Variants in LIMS1 observed in about 807,000 individuals in gnomAD.
LIMS1 encodes LIM and senescent cell antigen-like-containing domain protein 1.
LIMS1 carries 18 observed loss-of-function variants against 44.1 expected under a neutral mutation model. That is an observed-to-expected ratio of 0.41 (90% confidence interval 0.28 to 0.61). The LOEUF (loss-of-function observed/expected upper bound fraction) is 0.61. Ranked by LOEUF, LIMS1 falls within the 20% of genes least tolerant of loss-of-function variation. The pLI is 0.32. For synonymous variants in LIMS1, 93 were observed against 149.1 expected, an observed-to-expected ratio of 0.62 and a Z score of 2.74; for missense variants, 201 against 422.0, an observed-to-expected ratio of 0.48 and a Z score of 4.59.
intron 1 of LIMS1, among the ~76,000 whole-genome samples, chr2:108,587,477 CA>C (rs1189600897): frequency 6.6e-6 from 1 of 152,008 alleles, no homozygotes; most frequent in Non-Finnish European, 1.5e-5. Context: ...AGATTACAGG[CA>C]AGTGTAAGCC....
intron 5 of LIMS1, chr2:108,673,511 A>G (rs775513208): frequency 8.6e-5 from 16 of 186,626 alleles, no homozygotes; most frequent in Admixed American, 3.2e-4. Context: ...TTCAGCCTCC[A>G]GAGTAGCTGA....
chr2:108,637,582 G>C (rs1200521363), intron 1 of LIMS1, among the ~76,000 whole-genome samples: 1 of 152,152 alleles, frequency 6.6e-6, no homozygotes, highest in Non-Finnish European at 1.5e-5. Context: ...GGTGATCTGG[G>C]CGTTCTCCTA....
At chr2:108,635,562 G>C (rs767463076) in intron 1 of LIMS1, among the ~76,000 whole-genome samples, 8 of 151,910 alleles carry the variant, frequency 5.3e-5, no homozygotes, top group African/African-American at 2.4e-5. Flanking sequence ...TTAGTCAGGC[G>C]TGGTGGTGGG....
At chr2:108,592,250 G>A (rs2104689244) in intron 1 of LIMS1, among the ~76,000 whole-genome samples, 1 of 152,274 alleles carries the variant, frequency 6.6e-6, no homozygotes, top group East Asian at 1.9e-4. Flanking sequence ...CTGAGGCGCA[G>A]TTTGTCAGAA....
chr2:108,625,934 C>T (rs1312431187), intron 1 of LIMS1, among the ~76,000 whole-genome samples: 1 of 152,156 alleles, frequency 6.6e-6, no homozygotes, highest in Non-Finnish European at 1.5e-5. Flanking sequence ...AGTACATAAC[C>T]ATTAATTGAA....
At chr2:108,637,886 G>GT (rs1175189675) in intron 1 of LIMS1, among the ~76,000 whole-genome samples, 31 of 147,684 alleles carry the variant, frequency 2.1e-4, no homozygotes, top group Middle Eastern at 6.9e-3. Context: ...TTTTGAGACA[G>GT]TATCTCGCTG....
intron 1 of LIMS1, among the ~76,000 whole-genome samples, chr2:108,556,314 A>G (rs1573321370): frequency 1.3e-5 from 2 of 152,176 alleles, no homozygotes; most frequent in South Asian, 4.1e-4. Flanking sequence ...CATTGTATGT[A>G]TATACTGTAC....
chr2:108,595,430 G>C (rs957512355), intron 1 of LIMS1, among the ~76,000 whole-genome samples: 3 of 152,230 alleles, frequency 2.0e-5, no homozygotes, highest in Non-Finnish European at 2.9e-5. Context: ...GATGGTTTCA[G>C]ACTGCTATTC....
At chr2:108,685,168 C>T (rs112634375) in exon 10 of LIMS1, 3 of 151,996 alleles carry the variant, frequency 2.0e-5, no homozygotes, top group Admixed American at 2.0e-4. Context: ...CATTTGAAAT[C>T]TTATAATTAA....
intron 1 of LIMS1, among the ~76,000 whole-genome samples, chr2:108,544,645 C>T (rs895033672): frequency 5.3e-5 from 8 of 152,210 alleles, no homozygotes; most frequent in Middle Eastern, 3.4e-3. Context: ...CAGGTGCCTA[C>T]CACCATGCCT....
At chr2:108,634,213 A>G (rs971105642) in intron 1 of LIMS1, among the ~76,000 whole-genome samples, 10 of 152,162 alleles carry the variant, frequency 6.6e-5, no homozygotes, top group African/African-American at 2.4e-4. Flanking sequence ...GGGAGGGAAG[A>G]AGGACTGCAG....
At chr2:108,610,404 C>T (rs1410396136) in intron 1 of LIMS1, among the ~76,000 whole-genome samples, 3 of 151,978 alleles carry the variant, frequency 2.0e-5, no homozygotes, top group Admixed American at 2.0e-4. Flanking sequence ...ACTCATCACC[C>T]ACACTTCTTG....
intron 1 of LIMS1, among the ~76,000 whole-genome samples, chr2:108,551,857 T>C (rs1684736879): frequency 6.8e-6 from 1 of 146,398 alleles, no homozygotes; most frequent in African/African-American, 2.5e-5. Flanking sequence ...ATATACTATG[T>C]AGTATATATG....
intron 5 of LIMS1, among the ~76,000 whole-genome samples, chr2:108,675,305 G>A (rs1692458240): frequency 6.6e-6 from 1 of 151,756 alleles, no homozygotes; most frequent in African/African-American, 2.4e-5. Flanking sequence ...ATAGCAGAGG[G>A]CATCACATGG....
At chr2:108,625,690 C>T (rs771088419) in intron 1 of LIMS1, among the ~76,000 whole-genome samples, 27 of 152,160 alleles carry the variant, frequency 1.8e-4, no homozygotes, top group Non-Finnish European at 3.8e-4. Flanking sequence ...CTTAGACCTC[C>T]TTTCCTCCTT....
intron 1 of LIMS1, among the ~76,000 whole-genome samples, chr2:108,543,564 C>T (rs1331801642): frequency 6.6e-6 from 1 of 152,164 alleles, no homozygotes; most frequent in Non-Finnish European, 1.5e-5. Context: ...AAAAACTCCC[C>T]AAACCTCTGT....
At chr2:108,598,283 T>C (rs1487444321) in intron 1 of LIMS1, among the ~76,000 whole-genome samples, 1 of 152,176 alleles carries the variant, frequency 6.6e-6, no homozygotes, top group African/African-American at 2.4e-5. Flanking sequence ...AATGTCTACT[T>C]TATCCAAACT....
At chr2:108,629,675 T>C (rs987780764) in intron 1 of LIMS1, among the ~76,000 whole-genome samples, 7 of 152,218 alleles carry the variant, frequency 4.6e-5, no homozygotes, top group South Asian at 2.1e-4. Flanking sequence ...CCTCCAAATA[T>C]AAAAAGAAAG....
intron 1 of LIMS1, among the ~76,000 whole-genome samples, chr2:108,636,978 C>T (rs1202753249): frequency 6.6e-6 from 1 of 152,098 alleles, no homozygotes; most frequent in Non-Finnish European, 1.5e-5. Context: ...TTTCATTGTA[C>T]TTATGGCAAA....
Sources: gnomAD v4.1 joint callset for allele counts (sites outside exome capture counted in the v4.1 genomes callset) on GRCh38, gnomAD v4.1.1 for gene constraint, MANE v1.5 for transcripts, NCBI Gene and HGNC (gene_info 2026-07-23, HGNC 2026-07-21) for gene names.